RGS13: variants seen among roughly 807,000 people sequenced by gnomAD.
The protein encoded by RGS13 is regulator of G-protein signalling 13.
A neutral mutation model predicts 19.9 loss-of-function variants in RGS13; 14 were observed. The observed-to-expected ratio is 0.70, with a 90% CI of 0.46 to 1.10. RGS13 has a LOEUF of 1.10. Ranked by LOEUF, RGS13 falls within the 50% of genes least tolerant of loss-of-function variation. RGS13 has a pLI of 0.00. For synonymous variants in RGS13, 60 were observed against 56.8 expected (o/e 1.06, Z -0.25); for missense variants, 205 against 187.1 (o/e 1.10, Z -0.56).
Position 192,659,601 on chromosome 1 carries a change from A to G in RGS13, c.*78A>G, listed in dbSNP as rs564552850. ...ATCTTTTTATTTAGAAACCCACAAA[A>G]TCAGAAACACAGTACAAATAAAACA... is the stretch of plus-strand genomic sequence containing the variant. On this transcript the variant is annotated 3_prime_UTR_variant, in exon 7 of 7. Transcript: ENST00000391995. The G allele has an allele frequency of 1.0e-4, 102 of 985,222 alleles. 1 individual carries two copies. The East Asian group carries it at 2.6e-3, about 25-fold the overall frequency. 61.0% of individuals were successfully genotyped at this position (985,222 alleles called of 1,614,324 possible).
intron 3 of RGS13, among the ~76,000 whole-genome samples, chr1:192,639,584 AGAG>A (rs947940240): frequency 6.6e-6 from 1 of 152,190 alleles, no homozygotes; most frequent in African/African-American, 2.4e-5. Context: ...AAATTTAAAA[AGAG>A]GAAGAAATGC....
chr1:192,656,979 A>G (rs1207068293), intron 5 of RGS13, among the ~76,000 whole-genome samples: 1 of 152,078 alleles, frequency 6.6e-6, no homozygotes, highest in Non-Finnish European at 1.5e-5. Context: ...CCATCTGGCT[A>G]CCATTATTTC....
chr1:192,656,716 C>T (rs1333757642), intron 5 of RGS13, among the ~76,000 whole-genome samples: 7 of 152,032 alleles, frequency 4.6e-5, no homozygotes, highest in Admixed American at 1.3e-4. Context: ...AATAATAGTC[C>T]ATGTTTCAAT....
chr1:192,649,785 T>C (rs1663303354), intron 5 of RGS13, among the ~76,000 whole-genome samples: 2 of 152,134 alleles, frequency 1.3e-5, no homozygotes, highest in East Asian at 3.9e-4. Context: ...TGTTTGAAAG[T>C]CAAATTCAAG....
chr1:192,654,014 A>G (rs1663391987), intron 5 of RGS13, among the ~76,000 whole-genome samples: 1 of 151,974 alleles, frequency 6.6e-6, no homozygotes, highest in Non-Finnish European at 1.5e-5. Flanking sequence ...TGACGAGTTA[A>G]TGGGTGCAGC....
At chr1:192,639,041 T>C (rs1346603086) in intron 3 of RGS13, among the ~76,000 whole-genome samples, 1 of 152,124 alleles carries the variant, frequency 6.6e-6, no homozygotes, top group African/African-American at 2.4e-5. Context: ...ACCTAACTAA[T>C]AAGTTGCTTG....
Position 192,658,207 on chromosome 1 carries a change from C to G in RGS13, c.134C>G (p.Pro45Arg), listed in dbSNP as rs143481310. 3 of 1,610,608 alleles carry G rather than the reference C, an allele frequency of 1.9e-6. No individual in the cohort carries two copies. The highest frequency in any genetic ancestry group is 2.5e-6 in the Non-Finnish European group (3 of 1,178,252). The change falls in exon 6 of 7, where the codon CCA becomes CGA. Residue 45 changes from proline to arginine, a missense_variant. Pro to Arg is a moderately radical substitution (Grantham distance 103). Transcript: ENST00000391995. ...ATTTCTCCTCTACTTTTAGATGGTC[C>G]AGTAGTCTATGCAGCATATTTAAAA... is the stretch of plus-strand genomic sequence containing the variant. Reference protein sequence around the residue: ...FENLMATKYGPVVYAAYLKME... With the variant: ...FENLMATKYGRVVYAAYLKME...
At chr1:192,651,363 A>G (rs892530172) in intron 5 of RGS13, among the ~76,000 whole-genome samples, 1 of 152,132 alleles carries the variant, frequency 6.6e-6, no homozygotes, top group Non-Finnish European at 1.5e-5. Flanking sequence ...AATACACAGC[A>G]TAAGGAATCA....
At chr1:192,658,881 T>C (rs1042610232) in intron 6 of RGS13, 1 of 160,090 alleles carries the variant, frequency 6.2e-6, no homozygotes, top group African/African-American at 2.4e-5. Flanking sequence ...AAATAGCCAC[T>C]TCTCCCCTCT....
At chr1:192,655,973 C>T (rs1286920425) in intron 5 of RGS13, among the ~76,000 whole-genome samples, 4 of 151,988 alleles carry the variant, frequency 2.6e-5, no homozygotes, top group African/African-American at 9.7e-5. Flanking sequence ...ATTGTAGAAC[C>T]ATTTGGCCAG....
chr1:192,650,084 T>G (rs1663308005), intron 5 of RGS13, among the ~76,000 whole-genome samples: 1 of 152,040 alleles, frequency 6.6e-6, no homozygotes, highest in Non-Finnish European at 1.5e-5. Flanking sequence ...CCAAGCTATA[T>G]TATGTAAGTT....
Position 192,659,844 on chromosome 1 carries a change from TTG to T in RGS13, c.*325_*326del, listed in dbSNP as rs886544211. Reference sequence around the variant, plus strand: ...TGGATATTTCCTTGTTAATAAAATTTTGTGTCATAATTTACAAATTAGTTCTT... The same window carrying T: ...TGGATATTTCCTTGTTAATAAAATTTTGTCATAATTTACAAATTAGTTCTT... On this transcript the variant is annotated 3_prime_UTR_variant, in exon 7 of 7. Coordinates refer to ENST00000391995, the MANE Select transcript of RGS13 (RefSeq NM_002927.5). The T allele has an allele frequency of 2.0e-5, 4 of 204,462 alleles. No individual in the cohort carries two copies. Among genetic ancestry groups the T allele is most frequent in the African/African-American group, 9.4e-5 (4 of 42,606 alleles). 12.7% of individuals were successfully genotyped at this position (204,462 alleles called of 1,614,324 possible).
At position 192,651,969 on chromosome 1, in the gene RGS13, G is replaced by A. The variant is rs6669979; in HGVS notation, c.127+3982G>A. On this transcript the variant is annotated intron_variant, in intron 5 of 6. Coordinates refer to ENST00000391995, the MANE Select transcript of RGS13 (RefSeq NM_002927.5). Reference sequence around the variant, plus strand: ...AATCTGAAGTTATGATTTCAAATGCGAGACCACAGTTGTATATTTTTCTCT... The same window carrying A: ...AATCTGAAGTTATGATTTCAAATGCAAGACCACAGTTGTATATTTTTCTCT... Among the ~76,000 whole-genome samples, 430 of 152,126 alleles carry A rather than the reference G, an allele frequency of 2.8e-3. 5 individuals are homozygous for A. The highest frequency in any genetic ancestry group is 9.5e-3 in the African/African-American group (393 of 41,532).
chr1:192,640,653 C>G (rs1663088704), intron 3 of RGS13, among the ~76,000 whole-genome samples: 1 of 85,462 alleles, frequency 1.2e-5, no homozygotes. Flanking sequence ...ATATAAATAA[C>G]TTTATTGCTT....
At position 192,658,336 on chromosome 1, in the gene RGS13, A is replaced by G. The variant is rs968118519; in HGVS notation, c.263A>G (p.Lys88Arg). Residue 88 changes from lysine to arginine, a missense_variant, in exon 6 of 7, where the codon AAG (lysine) becomes AGG (arginine). By Grantham distance (26) the Lys-to-Arg change is conservative. Transcript: ENST00000391995. ...SRISRAKKLY[K>R]IYIQPQSPRE... ...ATTTCTAGGGCAAAGAAGCTTTATA[A>G]GATTTACATCCAGCCACAGTCCCCT... 8 of 1,613,260 alleles carry G rather than the reference A, an allele frequency of 5.0e-6. No homozygotes were observed. The African/African-American group carries it at 1.1e-4, about 22-fold the overall frequency.
chr1:192,658,565 T>C (rs1266144682), intron 6 of RGS13, 198 bp downstream of exon 6: 3 of 448,738 alleles, frequency 6.7e-6, no homozygotes, highest in South Asian at 6.4e-5. Context: ...AGCCATTAAG[T>C]GGTAAAGTTA....
chr1:192,641,129 G>C (rs79249489), intron 3 of RGS13, among the ~76,000 whole-genome samples: 4,829 of 147,060 alleles, frequency 0.033, 212 homozygotes, highest in East Asian at 0.11. Flanking sequence ...AAGAAGGAAA[G>C]ATGGAAGGAA....
chr1:192,656,689 G>A (rs1663450294), intron 5 of RGS13, among the ~76,000 whole-genome samples: 2 of 152,000 alleles, frequency 1.3e-5, no homozygotes, highest in South Asian at 2.1e-4. Context: ...CCTGAAGGCT[G>A]CATTTGCTCA....
intron 5 of RGS13, 75 bp downstream of exon 5, chr1:192,648,062 T>C: frequency 9.9e-7 from 1 of 1,009,342 alleles, no homozygotes; most frequent in Non-Finnish European, 1.5e-6. Context: ...GGGTGCCAGA[T>C]GATGAATGTA....
Sources: allele counts gnomAD v4.1 joint callset (sites outside exome capture counted in the v4.1 genomes callset), GRCh38; gene constraint gnomAD v4.1.1; transcripts MANE v1.5; gene names NCBI Gene and HGNC (gene_info 2026-07-23, HGNC 2026-07-21).